Variants in WBP1L observed in about 807,000 individuals in gnomAD.
The protein encoded by WBP1L is WW domain binding protein 1-like.
A neutral mutation model predicts 33.7 loss-of-function variants in WBP1L; 17 were observed. The ratio of observed to expected loss-of-function variants is 0.50; its 90% CI spans 0.34 to 0.76. WBP1L has a LOEUF of 0.76. Among genes scored for constraint, WBP1L ranks in the 30% least tolerant of loss-of-function variants. The pLI, the probability that WBP1L is intolerant of heterozygous loss-of-function variation, is 0.01. For synonymous variants in WBP1L, 173 were observed against 190.8 expected (o/e 0.91, Z 0.77); for missense variants, 389 against 469.4 (o/e 0.83, Z 1.58).
intron 1 of WBP1L, chr10:102,776,220 C>G (rs1005249289): frequency 9.8e-5 from 149 of 1,514,738 alleles, no homozygotes; most frequent in Non-Finnish European, 1.2e-4. Context: ...GAGCAGGAGA[C>G]AGTGTGCCTG....
intron 1 of WBP1L, among the ~76,000 whole-genome samples, chr10:102,782,935 T>A (rs1324013902): frequency 6.6e-6 from 1 of 152,184 alleles, no homozygotes; most frequent in African/African-American, 2.4e-5. Flanking sequence ...TTGGTTTTCT[T>A]GCTTAACACA....
intron 1 of WBP1L, among the ~76,000 whole-genome samples, chr10:102,783,451 C>G (rs956589011): frequency 1.3e-5 from 2 of 152,110 alleles, no homozygotes; most frequent in African/African-American, 4.8e-5. Context: ...GGGTTTTTGG[C>G]CAGGGTAGGT....
intron 2 of WBP1L, among the ~76,000 whole-genome samples, chr10:102,808,715 A>C (rs1241757899): frequency 6.6e-6 from 1 of 152,240 alleles, no homozygotes; most frequent in African/African-American, 2.4e-5. Context: ...TCCACCTCTA[A>C]CTTTAGTGAT....
At chr10:102,759,192 C>G (rs1843010611) in intron 1 of WBP1L, among the ~76,000 whole-genome samples, 1 of 152,170 alleles carries the variant, frequency 6.6e-6, no homozygotes, top group African/African-American at 2.4e-5. Flanking sequence ...GGGTGCCTTC[C>G]CAGACACTGG....
intron 1 of WBP1L, among the ~76,000 whole-genome samples, chr10:102,783,571 A>G (rs918651649): frequency 2.0e-5 from 3 of 152,248 alleles, no homozygotes; most frequent in Non-Finnish European, 4.4e-5. Context: ...ACGGTTCTGT[A>G]CAAAATATTG....
chr10:102,807,236 GA>G (rs1334078172), intron 2 of WBP1L, among the ~76,000 whole-genome samples: 1 of 151,926 alleles, frequency 6.6e-6, no homozygotes, highest in African/African-American at 2.4e-5. Flanking sequence ...TTTTAGTTGA[GA>G]AAAAAATATT....
At chr10:102,800,204 G>A (rs1474354962) in intron 2 of WBP1L, among the ~76,000 whole-genome samples, 1 of 152,180 alleles carries the variant, frequency 6.6e-6, no homozygotes, top group Non-Finnish European at 1.5e-5. Flanking sequence ...CCCACCCTTT[G>A]TTAAAACAAA....
At chr10:102,760,840 A>G (rs1433848461) in intron 1 of WBP1L, among the ~76,000 whole-genome samples, 1 of 152,146 alleles carries the variant, frequency 6.6e-6, no homozygotes, top group African/African-American at 2.4e-5. Context: ...GGACATCTAT[A>G]TGAATCTTTT....
At chr10:102,776,695 C>T (rs555609089) in intron 1 of WBP1L, among the ~76,000 whole-genome samples, 11 of 152,280 alleles carry the variant, frequency 7.2e-5, no homozygotes, top group Non-Finnish European at 1.5e-4. Flanking sequence ...GGAAACTTCA[C>T]GGAGAAACAG....
chr10:102,810,894 TCCCTC>T (rs748498103), intron 3 of WBP1L, among the ~76,000 whole-genome samples: 3,110 of 144,024 alleles, frequency 0.022, 61 homozygotes, highest in Non-Finnish European at 0.035. Context: ...TCTTTTCCTT[TCCCTC>T]CCCTCCCCTC....
At chr10:102,811,244 T>G (rs181417122) in intron 3 of WBP1L, among the ~76,000 whole-genome samples, 288 of 152,176 alleles carry the variant, frequency 1.9e-3, no homozygotes, top group Middle Eastern at 3.4e-3. Context: ...TTGGGGTTCA[T>G]TGGCCTGAAT....
At chr10:102,772,285 C>CGG (rs1288513871) in intron 1 of WBP1L, among the ~76,000 whole-genome samples, 2 of 47,066 alleles carry the variant, frequency 4.2e-5, no homozygotes, top group African/African-American at 8.3e-5. Context: ...TTTTTTGAGA[C>CGG]AGTCTCGCTC....
At chr10:102,765,717 A>G (rs1385682144) in intron 1 of WBP1L, among the ~76,000 whole-genome samples, 1 of 152,242 alleles carries the variant, frequency 6.6e-6, no homozygotes, top group African/African-American at 2.4e-5. Context: ...TATCTAAAAC[A>G]TAAAGTGTGA....
At chr10:102,784,934 T>C (rs982355216) in intron 1 of WBP1L, among the ~76,000 whole-genome samples, 1 of 150,288 alleles carries the variant, frequency 6.7e-6, no homozygotes, top group Non-Finnish European at 1.5e-5. Context: ...TGGAGTGCAA[T>C]GGCACGATCT....
chr10:102,771,881 G>A (rs1334337803), intron 1 of WBP1L, among the ~76,000 whole-genome samples: 1 of 152,028 alleles, frequency 6.6e-6, no homozygotes, highest in Non-Finnish European at 1.5e-5. Context: ...GGGGTTCTCT[G>A]AATTGCAGAG....
In WBP1L at chr10:102,783,126, T is replaced by A. The variant is rs567292782; in HGVS notation, c.91-14867T>A. ...TGTGGTTCTGGAGTGCCGTGGGAGG[T>A]TAGGACAGGCTGGGGCGGACCGCCA... On this transcript the variant is annotated intron_variant, in intron 1 of 3. Coordinates refer to ENST00000448841, the MANE Select transcript of WBP1L (RefSeq NM_001083913.2). 5.9e-5 allele frequency among the ~76,000 whole-genome samples: 9 copies of A among 152,042 alleles called. No individual in the cohort carries two copies. The South Asian group carries it at 1.7e-3, about 28-fold the overall frequency.
intron 1 of WBP1L, among the ~76,000 whole-genome samples, chr10:102,749,617 T>G (rs1467530259): frequency 6.6e-6 from 1 of 151,026 alleles, no homozygotes; most frequent in Non-Finnish European, 1.5e-5. Context: ...CCTGGCCTAA[T>G]TTTTTTTAAT....
intron 2 of WBP1L, among the ~76,000 whole-genome samples, chr10:102,804,709 A>G (rs1030608458): frequency 2.6e-5 from 4 of 152,192 alleles, no homozygotes; most frequent in African/African-American, 7.2e-5. Context: ...TGAAATCACC[A>G]TCTGGGATGT....
chr10:102,812,747 C>T lies in WBP1L; in HGVS notation c.508C>T (p.Pro170Ser). 1.2e-6 allele frequency: 2 copies of T among 1,613,804 alleles called. No individual in the cohort carries two copies. The highest frequency in any genetic ancestry group is 1.1e-5 in the South Asian group (1 of 91,052). ...AGGTGGCAGTCCCCCGGGCATCGAT[C>T]CCACCAGGGGATCCCAGGGGGCACA... is the stretch of plus-strand genomic sequence containing the variant. ...PAGGSPPGID[P>S]TRGSQGAQSS... is the part of the protein sequence containing the mutation. Residue 170 changes from proline (P) to serine (S), a missense_variant, in exon 4 of 4, where the codon CCC (proline) becomes TCC (serine). Transcript: ENST00000448841.
Sources: gnomAD v4.1 joint callset for allele counts (sites outside exome capture counted in the v4.1 genomes callset) on GRCh38, gnomAD v4.1.1 for gene constraint, MANE v1.5 for transcripts, NCBI Gene and HGNC (gene_info 2026-07-23, HGNC 2026-07-21) for gene names.